The following ATRNL1 variants were observed in gnomAD, a reference collection of about 807,000 sequenced individuals.
ATRNL1 encodes the protein attractin like 1.
In ATRNL1, 95 loss-of-function variants were observed where a neutral mutation model predicts 182.7. That is an observed-to-expected ratio of 0.52 (90% confidence interval 0.44 to 0.62). The LOEUF is 0.62. ATRNL1 is among the 20% of genes least tolerant of loss of function. ATRNL1 has a pLI of 0.00. For synonymous variants in ATRNL1, 576 were observed against 568.3 expected, an observed-to-expected ratio of 1.01 and a Z score of -0.19; for missense variants, 1,471 against 1,679.5, an observed-to-expected ratio of 0.88 and a Z score of 2.17.
At chr10:115,783,562 A>T (rs1555079751) in intron 27 of ATRNL1, among the ~76,000 whole-genome samples, 1 of 152,216 alleles carries the variant, frequency 6.6e-6, no homozygotes, top group Non-Finnish European at 1.5e-5. Flanking sequence ...ATTGCAAAGT[A>T]CCTACACATT....
chr10:115,311,638 A>G (rs1554927865), intron 17 of ATRNL1, among the ~76,000 whole-genome samples: 1 of 152,106 alleles, frequency 6.6e-6, no homozygotes, highest in Non-Finnish European at 1.5e-5. Flanking sequence ...CATTTGTTCT[A>G]GAGTGTAATT....
rs183138237 is a variant in ATRNL1, at chr10:115,120,402, C to G, written c.377+134C>G. 11 of 447,112 alleles carry G rather than the reference C, an allele frequency of 2.5e-5. No individual in the cohort carries two copies. The East Asian group carries it at 3.4e-4, about 14-fold the overall frequency. The allele number at this position is 447,112 out of a possible 1,614,324, so 27.7% of individuals were successfully genotyped here. On this transcript the variant is annotated intron_variant, in intron 2 of 28. Transcript: ENST00000355044. ...TATTATTAGATAATATTTACAACTTCTAGACATCACATTTAATGTAAATTA... is the reference window on the plus strand; with the variant it reads ...TATTATTAGATAATATTTACAACTTGTAGACATCACATTTAATGTAAATTA...
intron 28 of ATRNL1, among the ~76,000 whole-genome samples, chr10:115,907,984 A>C (rs2134511398): frequency 6.6e-6 from 1 of 152,354 alleles, no homozygotes. Context: ...ACTTTTTAAA[A>C]GTAATAGCTA....
chr10:115,184,623 G>A (rs550426167), intron 8 of ATRNL1, among the ~76,000 whole-genome samples: 1 of 151,730 alleles, frequency 6.6e-6, no homozygotes, highest in East Asian at 1.9e-4. Flanking sequence ...GATATGACAT[G>A]AAAGTATATT....
intron 26 of ATRNL1, among the ~76,000 whole-genome samples, chr10:115,714,895 G>A (rs1217619727): frequency 6.6e-6 from 1 of 152,132 alleles, no homozygotes; most frequent in Non-Finnish European, 1.5e-5. Context: ...AATGCTTTTG[G>A]TAAAGGGAAG....
intron 27 of ATRNL1, among the ~76,000 whole-genome samples, chr10:115,838,076 A>G (rs529543476): frequency 1.3e-5 from 2 of 152,078 alleles, no homozygotes; most frequent in African/African-American, 2.4e-5. Flanking sequence ...TATAATCTCT[A>G]TTTTCTGTAT....
intron 27 of ATRNL1, among the ~76,000 whole-genome samples, chr10:115,815,264 A>C (rs1053811996): frequency 1.3e-5 from 2 of 152,170 alleles, no homozygotes; most frequent in African/African-American, 4.8e-5. Context: ...AGAACTCTAC[A>C]TTGTAGAAAA....
chr10:115,131,541 A>G (rs904875155), intron 5 of ATRNL1, among the ~76,000 whole-genome samples: 19 of 152,114 alleles, frequency 1.2e-4, no homozygotes, highest in African/African-American at 4.3e-4. Context: ...TTTAGGGGAA[A>G]ATGATGTTTT....
intron 26 of ATRNL1, among the ~76,000 whole-genome samples, chr10:115,686,608 T>G (rs1946226167): frequency 6.6e-6 from 1 of 152,054 alleles, no homozygotes; most frequent in African/African-American, 2.4e-5. Flanking sequence ...CATTAATAGG[T>G]GCTCAGTTAG....
At chr10:115,736,043 G>A (rs1370987332) in intron 27 of ATRNL1, among the ~76,000 whole-genome samples, 2 of 151,850 alleles carry the variant, frequency 1.3e-5, no homozygotes, top group Middle Eastern at 3.4e-3. Flanking sequence ...AACCTACTTG[G>A]CATATTTTGT....
intron 22 of ATRNL1, among the ~76,000 whole-genome samples, chr10:115,465,343 A>G (rs12264131): frequency 0.022 from 3,284 of 151,750 alleles, 112 homozygotes; most frequent in African/African-American, 0.074. Context: ...TTGGAAGTAT[A>G]TTTTGTATAC....
At chr10:115,684,014 G>A (rs1255654551) in intron 26 of ATRNL1, among the ~76,000 whole-genome samples, 1 of 151,516 alleles carries the variant, frequency 6.6e-6, no homozygotes, top group Non-Finnish European at 1.5e-5. Context: ...ATCTAATCAT[G>A]TATCATAAGC....
intron 9 of ATRNL1, among the ~76,000 whole-genome samples, chr10:115,237,965 T>C (rs1271069101): frequency 2.6e-5 from 4 of 152,224 alleles, no homozygotes; most frequent in African/African-American, 9.6e-5. Flanking sequence ...TGATGCCCTG[T>C]TGTTCCAGCA....
At chr10:115,896,691 A>T (rs1007376855) in intron 28 of ATRNL1, among the ~76,000 whole-genome samples, 1 of 152,198 alleles carries the variant, frequency 6.6e-6, no homozygotes, top group Non-Finnish European at 1.5e-5. Context: ...TATATGTGGT[A>T]ATTTAGTGCC....
chr10:115,775,730 G>T (rs923802401), intron 27 of ATRNL1, among the ~76,000 whole-genome samples: 20 of 152,082 alleles, frequency 1.3e-4, no homozygotes, highest in African/African-American at 4.8e-4. Context: ...GCCAAGGCAG[G>T]CTGATCACAA....
chr10:115,667,908 G>A (rs1288202147), intron 26 of ATRNL1, among the ~76,000 whole-genome samples: 1 of 151,966 alleles, frequency 6.6e-6, no homozygotes, highest in Non-Finnish European at 1.5e-5. Context: ...CAAGCAATCA[G>A]CCTGCCTCTG....
At chr10:115,136,031 A>AT (rs1420498400) in intron 5 of ATRNL1, among the ~76,000 whole-genome samples, 13 of 132,096 alleles carry the variant, frequency 9.8e-5, no homozygotes, top group Non-Finnish European at 2.1e-4. Flanking sequence ...AGCTAATTAA[A>AT]TTGTTTTTTT....
chr10:115,232,533 G>A (rs1275138302), intron 9 of ATRNL1, among the ~76,000 whole-genome samples: 1 of 151,956 alleles, frequency 6.6e-6, no homozygotes, highest in Non-Finnish European at 1.5e-5. Context: ...TGTAATATTT[G>A]ATAAGCAAAA....
At chr10:115,432,970 A>G (rs987043222) in intron 21 of ATRNL1, among the ~76,000 whole-genome samples, 7 of 152,070 alleles carry the variant, frequency 4.6e-5, no homozygotes, top group African/African-American at 1.7e-4. Flanking sequence ...GCAGTCATTT[A>G]CTTTATTTCA....
Sources: allele counts gnomAD v4.1 joint callset (sites outside exome capture counted in the v4.1 genomes callset), GRCh38; gene constraint gnomAD v4.1.1; transcripts MANE v1.5; gene names NCBI Gene and HGNC (gene_info 2026-07-23, HGNC 2026-07-21).